Variants in ARID4B observed in about 807,000 individuals in gnomAD.
ARID4B encodes AT-rich interaction domain 4B, also known as AT-rich interactive domain-containing protein 4B.
In ARID4B, 26 loss-of-function variants were observed where a neutral mutation model predicts 147.5. The observed-to-expected ratio is 0.18, with a 90% CI of 0.13 to 0.24. The LOEUF (loss-of-function observed/expected upper bound fraction) is 0.24. Ranked by LOEUF, ARID4B falls within the 10% of genes least tolerant of loss-of-function variation. ARID4B has a pLI of 1.00. For missense variants in ARID4B, 1,179 were observed against 1,511.5 expected (o/e 0.78, Z 3.65); for synonymous variants, 512 against 507.9 (o/e 1.01, Z -0.11).
At position 235,221,558 on chromosome 1, in the gene ARID4B, A is replaced by G. The variant is rs1400885720; in HGVS notation, c.1163+7T>C. 6.6e-7 allele frequency: 1 copy of G among 1,510,526 alleles called. No homozygotes were observed. The highest frequency in any genetic ancestry group is 9.1e-7 in the Non-Finnish European group (1 of 1,095,058). The allele number at this position is 1,510,526 out of a possible 1,614,324, so 93.6% of individuals were successfully genotyped here. Reference sequence around the variant, plus strand: ...TGAAGATAATCATATCAATTATACTAACTTACTTTTTATAAGCACATTTAA... The same window carrying G: ...TGAAGATAATCATATCAATTATACTGACTTACTTTTTATAAGCACATTTAA... On this transcript the variant is annotated splice_region_variant and intron_variant, in intron 14 of 23. Transcript: ENST00000264183.
intron 22 of ARID4B, among the ~76,000 whole-genome samples, chr1:235,174,017 A>G (rs554233623): frequency 2.0e-5 from 3 of 150,752 alleles, no homozygotes; most frequent in African/African-American, 7.3e-5. Flanking sequence ...TTTAAATCAA[A>G]TTACCGACAT....
At chr1:235,309,189 C>T (rs1435146089) in intron 2 of ARID4B, among the ~76,000 whole-genome samples, 3 of 149,922 alleles carry the variant, frequency 2.0e-5, no homozygotes, top group Non-Finnish European at 4.4e-5. Context: ...AGGTGAGGAG[C>T]GTCTCTGCCC....
intron 17 of ARID4B, among the ~76,000 whole-genome samples, chr1:235,206,470 C>CA (rs1431014690): frequency 1.3e-5 from 2 of 150,756 alleles, no homozygotes; most frequent in African/African-American, 2.4e-5. Context: ...GAACAGAAAC[C>CA]AAAAAAATGT....
intron 23 of ARID4B, among the ~76,000 whole-genome samples, chr1:235,168,980 G>A (rs751444587): frequency 6.6e-6 from 1 of 152,196 alleles, no homozygotes; most frequent in African/African-American, 2.4e-5. Context: ...AGTGAAACAA[G>A]TATCAAAACA....
intron 2 of ARID4B, among the ~76,000 whole-genome samples, chr1:235,295,540 G>A (rs535054782): frequency 2.1e-5 from 3 of 143,430 alleles, no homozygotes; most frequent in South Asian, 2.2e-4. Flanking sequence ...GGCCAGGCAC[G>A]GAGGCTCACG....
intron 2 of ARID4B, among the ~76,000 whole-genome samples, chr1:235,319,460 G>C (rs1262329283): frequency 1.3e-5 from 2 of 152,166 alleles, no homozygotes; most frequent in African/African-American, 4.8e-5. Flanking sequence ...GCAGTGAGCT[G>C]TGATTGCGCC....
chr1:235,243,238 T>C (rs541931989), intron 7 of ARID4B, among the ~76,000 whole-genome samples: 4 of 152,154 alleles, frequency 2.6e-5, no homozygotes, highest in South Asian at 4.1e-4. Context: ...ACAAAATGTA[T>C]ACATCAGTGT....
chr1:235,308,480 C>T (rs183204895), intron 2 of ARID4B, among the ~76,000 whole-genome samples: 128 of 148,928 alleles, frequency 8.6e-4, no homozygotes, highest in Non-Finnish European at 1.5e-3. Flanking sequence ...CCTCTCCCCA[C>T]GGTCTCCCTC....
intron 2 of ARID4B, among the ~76,000 whole-genome samples, chr1:235,270,607 T>A (rs954996103): frequency 2.6e-5 from 4 of 152,204 alleles, no homozygotes; most frequent in African/African-American, 9.7e-5. Flanking sequence ...TAACTAGAAT[T>A]TTCTGCCTCG....
At chr1:235,260,507 C>A in intron 3 of ARID4B, 135 bp downstream of exon 3, 1 of 551,662 alleles carries the variant, frequency 1.8e-6, no homozygotes, top group African/African-American at 2.0e-5. Flanking sequence ...ACAAAAAATG[C>A]TTTGTTTTGA....
intron 2 of ARID4B, among the ~76,000 whole-genome samples, chr1:235,277,098 T>A (rs1244745590): frequency 1.3e-5 from 2 of 151,810 alleles, no homozygotes; most frequent in South Asian, 4.2e-4. Flanking sequence ...ATAAAAAAAT[T>A]ATCTGGGCTC....
At chr1:235,213,732 T>C in intron 17 of ARID4B, 37 bp downstream of exon 17, 1 of 1,571,850 alleles carries the variant, frequency 6.4e-7, no homozygotes, top group Non-Finnish European at 8.6e-7. Context: ...TTTATAATTG[T>C]TTTTAGGTAA....
chr1:235,248,770 T>A (rs1235142787), intron 6 of ARID4B, among the ~76,000 whole-genome samples: 1 of 152,128 alleles, frequency 6.6e-6, no homozygotes, highest in East Asian at 1.9e-4. Flanking sequence ...TCTGTCCCTA[T>A]CTCAATGTCC....
At chr1:235,319,139 A>C (rs1240556305) in intron 2 of ARID4B, among the ~76,000 whole-genome samples, 1 of 152,226 alleles carries the variant, frequency 6.6e-6, no homozygotes, top group Admixed American at 6.5e-5. Context: ...AACAAACAAA[A>C]GAAATTAACA....
intron 17 of ARID4B, among the ~76,000 whole-genome samples, chr1:235,205,063 A>G (rs1461717491): frequency 1.3e-5 from 2 of 152,230 alleles, no homozygotes; most frequent in African/African-American, 2.4e-5. Context: ...TCTGTACTAT[A>G]GAAACAACGC....
intron 21 of ARID4B, 29 bp from the exon 22 acceptor site, chr1:235,175,428 C>G (rs754952973): frequency 6.5e-7 from 1 of 1,535,838 alleles, no homozygotes; most frequent in Non-Finnish European, 9.0e-7. Context: ...ATTTAATAAA[C>G]AAAAATGTAA....
intron 19 of ARID4B, among the ~76,000 whole-genome samples, chr1:235,184,366 C>A (rs1232187270): frequency 6.6e-6 from 1 of 151,854 alleles, no homozygotes; most frequent in Non-Finnish European, 1.5e-5. Context: ...ATCAGCCCCA[C>A]TTTATAGTTC....
intron 2 of ARID4B, among the ~76,000 whole-genome samples, chr1:235,264,278 T>C (rs1044173365): frequency 5.9e-5 from 9 of 152,206 alleles, no homozygotes; most frequent in African/African-American, 2.2e-4. Context: ...CGGCAAGTTT[T>C]GAGACATATA....
intron 17 of ARID4B, among the ~76,000 whole-genome samples, chr1:235,212,316 G>A (rs1346624530): frequency 6.6e-6 from 1 of 152,144 alleles, no homozygotes; most frequent in Non-Finnish European, 1.5e-5. Context: ...ATTGTGCAGT[G>A]TGTTAAAGTG....
Sources: gnomAD v4.1 joint callset for allele counts (sites outside exome capture counted in the v4.1 genomes callset) on GRCh38, gnomAD v4.1.1 for gene constraint, MANE v1.5 for transcripts, NCBI Gene and HGNC (gene_info 2026-07-23, HGNC 2026-07-21) for gene names.